PELI2: variants seen among roughly 807,000 people sequenced by gnomAD.
The protein encoded by PELI2 is E3 ubiquitin-protein ligase pellino homolog 2.
PELI2 carries 23 observed loss-of-function variants against 42.3 expected under a neutral mutation model. The ratio of observed to expected loss-of-function variants is 0.54; its 90% CI spans 0.39 to 0.77. The LOEUF (loss-of-function observed/expected upper bound fraction) is 0.77, where lower values mean the gene tolerates loss of function less well. Ranked by LOEUF, PELI2 falls within the 30% of genes least tolerant of loss-of-function variation. The pLI is 0.00. For synonymous variants in PELI2, 245 were observed against 212.2 expected (o/e 1.15, Z -1.34); for missense variants, 463 against 553.2 (o/e 0.84, Z 1.64).
intron 2 of PELI2, among the ~76,000 whole-genome samples, chr14:56,190,823 G>C (rs1031967861): frequency 6.6e-6 from 1 of 152,146 alleles, no homozygotes; most frequent in African/African-American, 2.4e-5. Context: ...ACTTAGTTTA[G>C]GATGTAAAGT....
intron 1 of PELI2, among the ~76,000 whole-genome samples, chr14:56,127,578 G>A (rs562714943): frequency 1.1e-4 from 16 of 152,328 alleles, no homozygotes; most frequent in Non-Finnish European, 1.9e-4. Context: ...CTTGTGTGGT[G>A]CAGTTTACAA....
intron 2 of PELI2, among the ~76,000 whole-genome samples, chr14:56,214,704 G>A (rs1157265648): frequency 6.6e-6 from 1 of 152,118 alleles, no homozygotes; most frequent in Non-Finnish European, 1.5e-5. Flanking sequence ...CTTTTTGGGT[G>A]GAATACTGTA....
intron 2 of PELI2, among the ~76,000 whole-genome samples, chr14:56,214,188 T>G (rs1331115375): frequency 6.6e-6 from 1 of 152,132 alleles, no homozygotes; most frequent in Non-Finnish European, 1.5e-5. Context: ...TTACAAGATT[T>G]GTCCTAATGT....
intron 2 of PELI2, among the ~76,000 whole-genome samples, chr14:56,272,564 A>G (rs781668558): frequency 2.6e-5 from 4 of 152,208 alleles, no homozygotes; most frequent in African/African-American, 7.2e-5. Context: ...TTCTTGCTCT[A>G]AATGTATTAA....
intron 2 of PELI2, among the ~76,000 whole-genome samples, chr14:56,228,030 A>G (rs1887424019): frequency 6.6e-6 from 1 of 152,266 alleles, no homozygotes; most frequent in African/African-American, 2.4e-5. Flanking sequence ...GCTTCTAGGC[A>G]TCGAAAATAA....
chr14:56,205,029 C>CA (rs35776509), intron 2 of PELI2, among the ~76,000 whole-genome samples: 42,776 of 90,778 alleles, frequency 0.47, 8,644 homozygotes, highest in Middle Eastern at 0.58. Flanking sequence ...GACTCCCTGT[C>CA]AAAAAAAAAA....
intron 2 of PELI2, among the ~76,000 whole-genome samples, chr14:56,260,211 G>T (rs1195303520): frequency 6.6e-6 from 1 of 151,928 alleles, no homozygotes; most frequent in Non-Finnish European, 1.5e-5. Context: ...ACATTTCTGG[G>T]TTATAAACCC....
chr14:56,230,758 GT>G (rs2139769770), intron 2 of PELI2, among the ~76,000 whole-genome samples: 1 of 152,274 alleles, frequency 6.6e-6, no homozygotes, highest in East Asian at 1.9e-4. Flanking sequence ...CAATATTAAT[GT>G]TAAATGTAAA....
chr14:56,176,434 G>A (rs930497674), intron 1 of PELI2, among the ~76,000 whole-genome samples: 3 of 152,180 alleles, frequency 2.0e-5, no homozygotes, highest in Non-Finnish European at 4.4e-5. Context: ...AAAGCCAGTG[G>A]CGGTGGGTTG....
In PELI2 at chr14:56,240,457, T is replaced by C. The variant is rs562864868; in HGVS notation, c.208-39219T>C. ...TGGATTACAGACAAGGTTGTGTTAG[T>C]GATGTTAGCAAGAATAGTTTCGGTG... On this transcript the variant is annotated intron_variant, in intron 2 of 5. Coordinates refer to ENST00000267460, the MANE Select transcript of PELI2 (RefSeq NM_021255.3). 2.6e-5 allele frequency among the ~76,000 whole-genome samples: 4 copies of C among 152,220 alleles called. No homozygotes were observed. In the East Asian group the frequency reaches 7.7e-4, roughly 29 times the overall value.
At chr14:56,188,958 G>A (rs766508218) in intron 2 of PELI2, among the ~76,000 whole-genome samples, 4 of 152,024 alleles carry the variant, frequency 2.6e-5, no homozygotes, top group East Asian at 1.9e-4. Context: ...TCAGGAGTTC[G>A]AGACCAGCCT....
At chr14:56,159,088 G>A (rs1169117135) in intron 1 of PELI2, among the ~76,000 whole-genome samples, 3 of 152,178 alleles carry the variant, frequency 2.0e-5, no homozygotes, top group African/African-American at 7.2e-5. Flanking sequence ...TAGATACAGA[G>A]GAAGCTGCTT....
At chr14:56,259,070 A>G (rs775806732) in intron 2 of PELI2, among the ~76,000 whole-genome samples, 1 of 152,170 alleles carries the variant, frequency 6.6e-6, no homozygotes, top group African/African-American at 2.4e-5. Flanking sequence ...ACTAAAGGGG[A>G]CGGACAGAAG....
chr14:56,268,715 T>G (rs1888994873), intron 2 of PELI2, among the ~76,000 whole-genome samples: 1 of 152,176 alleles, frequency 6.6e-6, no homozygotes, highest in Non-Finnish European at 1.5e-5. Flanking sequence ...CCTACCTTTC[T>G]CTAGGTAACC....
At chr14:56,153,629 A>T (rs1884446102) in intron 1 of PELI2, among the ~76,000 whole-genome samples, 1 of 152,236 alleles carries the variant, frequency 6.6e-6, no homozygotes, top group Non-Finnish European at 1.5e-5. Context: ...AGAATTAAAT[A>T]TATCCATGTG....
chr14:56,211,471 C>T (rs1267195202), intron 2 of PELI2, among the ~76,000 whole-genome samples: 1 of 152,216 alleles, frequency 6.6e-6, no homozygotes, highest in Non-Finnish European at 1.5e-5. Context: ...TCAGTGTGCA[C>T]CTCTTTATGC....
intron 2 of PELI2, among the ~76,000 whole-genome samples, chr14:56,250,397 T>A (rs1888304283): frequency 1.3e-5 from 2 of 152,096 alleles, no homozygotes; most frequent in African/African-American, 2.4e-5. Context: ...ATTAGGGGAA[T>A]TGACTCACAT....
At chr14:56,216,390 A>G (rs1239437299) in intron 2 of PELI2, among the ~76,000 whole-genome samples, 1 of 152,248 alleles carries the variant, frequency 6.6e-6, no homozygotes, top group Non-Finnish European at 1.5e-5. Context: ...TTATTAAAGT[A>G]TATTAAACTT....
intron 2 of PELI2, among the ~76,000 whole-genome samples, chr14:56,203,747 G>A (rs964588481): frequency 7.2e-5 from 11 of 152,230 alleles, no homozygotes; most frequent in African/African-American, 2.6e-4. Flanking sequence ...GGTCAACTCT[G>A]CAGCCCAATA....
Sources: allele counts gnomAD v4.1 joint callset (sites outside exome capture counted in the v4.1 genomes callset), GRCh38; gene constraint gnomAD v4.1.1; transcripts MANE v1.5; gene names NCBI Gene and HGNC (gene_info 2026-07-23, HGNC 2026-07-21).